The following FARS2 variants were observed in gnomAD, a reference collection of about 807,000 sequenced individuals.
The protein encoded by FARS2 is phenylalanyl-tRNA synthetase 2, mitochondrial.
A neutral mutation model predicts 46.4 loss-of-function variants in FARS2; 40 were observed. The observed-to-expected ratio is 0.86, with a 90% CI of 0.67 to 1.12. The LOEUF is 1.12. FARS2 is among the 50% of genes most tolerant of loss of function. FARS2 has a pLI of 0.00. For synonymous variants in FARS2, 234 were observed against 214.9 expected, an observed-to-expected ratio of 1.09 and a Z score of -0.78; for missense variants, 513 against 567.9, an observed-to-expected ratio of 0.90 and a Z score of 0.98.
At chr6:5,334,256 G>T (rs1771000948) in intron 1 of FARS2, among the ~76,000 whole-genome samples, 1 of 152,172 alleles carries the variant, frequency 6.6e-6, no homozygotes, top group African/African-American at 2.4e-5. Flanking sequence ...AGGGAGTATG[G>T]CACTCGTACA....
At chr6:5,722,504 G>A (rs797004459) in intron 6 of FARS2, among the ~76,000 whole-genome samples, 13 of 152,314 alleles carry the variant, frequency 8.5e-5, no homozygotes, top group African/African-American at 2.9e-4. Context: ...AGGCAGTGAC[G>A]TTTAAGATGA....
chr6:5,325,868 G>T (rs975134045), intron 1 of FARS2, among the ~76,000 whole-genome samples: 2 of 151,988 alleles, frequency 1.3e-5, no homozygotes, highest in Non-Finnish European at 2.9e-5. Context: ...TACCAAAGTT[G>T]AATAAAAAAA....
intron 6 of FARS2, among the ~76,000 whole-genome samples, chr6:5,705,968 G>A (rs780300159): frequency 2.6e-5 from 4 of 152,132 alleles, no homozygotes; most frequent in Non-Finnish European, 4.4e-5. Flanking sequence ...CAGCAGTGAC[G>A]TATTTGTTTT....
At chr6:5,486,522 G>A (rs1358201774) in intron 4 of FARS2, among the ~76,000 whole-genome samples, 1 of 152,228 alleles carries the variant, frequency 6.6e-6, no homozygotes, top group Non-Finnish European at 1.5e-5. Context: ...CAGGGGAGAA[G>A]TCTCCACCGT....
At chr6:5,323,992 G>C (rs1441563836) in intron 1 of FARS2, among the ~76,000 whole-genome samples, 1 of 152,046 alleles carries the variant, frequency 6.6e-6, no homozygotes, top group East Asian at 1.9e-4. Context: ...CCTCCTCCCA[G>C]AGACATTCCA....
intron 1 of FARS2, among the ~76,000 whole-genome samples, chr6:5,275,296 A>G (rs1766260642): frequency 6.6e-6 from 1 of 152,176 alleles, no homozygotes; most frequent in Non-Finnish European, 1.5e-5. Flanking sequence ...ACTCAGCTTA[A>G]ATGTTACTTC....
intron 6 of FARS2, among the ~76,000 whole-genome samples, chr6:5,752,657 T>A (rs1762015784): frequency 6.6e-6 from 1 of 152,166 alleles, no homozygotes; most frequent in East Asian, 1.9e-4. Context: ...GATTTTTGTC[T>A]GTCCTCACCA....
At chr6:5,427,160 G>A (rs185016903) in intron 3 of FARS2, among the ~76,000 whole-genome samples, 168 of 152,292 alleles carry the variant, frequency 1.1e-3, no homozygotes, top group Middle Eastern at 6.8e-3. Flanking sequence ...TACAATGTGT[G>A]ATGATCGAAT....
intron 4 of FARS2, among the ~76,000 whole-genome samples, chr6:5,480,142 G>GC (rs928803309): frequency 6.6e-6 from 1 of 152,218 alleles, no homozygotes; most frequent in Non-Finnish European, 1.5e-5. Flanking sequence ...GGCAGTTGAC[G>GC]CAAGGCTGGG....
chr6:5,720,760 C>G (rs1285080490), intron 6 of FARS2, among the ~76,000 whole-genome samples: 1 of 152,172 alleles, frequency 6.6e-6, no homozygotes, highest in Non-Finnish European at 1.5e-5. Context: ...TGTTTAAATG[C>G]TTTGCCTGGG....
At chr6:5,364,642 T>C (rs931621752) in intron 1 of FARS2, among the ~76,000 whole-genome samples, 3 of 152,192 alleles carry the variant, frequency 2.0e-5, no homozygotes, top group Non-Finnish European at 4.4e-5. Context: ...ACAATCTCTA[T>C]AGCAGCTATT....
At chr6:5,702,801 C>A (rs899321927) in intron 6 of FARS2, among the ~76,000 whole-genome samples, 3 of 152,094 alleles carry the variant, frequency 2.0e-5, no homozygotes, top group African/African-American at 4.8e-5. Context: ...CCTTTCATGC[C>A]CCCAAACATT....
intron 6 of FARS2, among the ~76,000 whole-genome samples, chr6:5,621,081 G>A (rs1175836463): frequency 6.6e-6 from 1 of 152,172 alleles, no homozygotes; most frequent in Non-Finnish European, 1.5e-5. Flanking sequence ...AATTGCTGTG[G>A]GGTCATAAGG....
intron 4 of FARS2, among the ~76,000 whole-genome samples, chr6:5,518,508 T>C (rs1768946004): frequency 6.6e-6 from 1 of 152,194 alleles, no homozygotes; most frequent in Non-Finnish European, 1.5e-5. Context: ...AGTGAAATTC[T>C]ATGAGAATAT....
intron 2 of FARS2, among the ~76,000 whole-genome samples, chr6:5,397,766 C>T (rs774367432): frequency 6.6e-6 from 1 of 151,898 alleles, no homozygotes; most frequent in Non-Finnish European, 1.5e-5. Context: ...TTCACGTGTC[C>T]ATCTCCTTTA....
chr6:5,335,471 T>G (rs1771088962), intron 1 of FARS2, among the ~76,000 whole-genome samples: 1 of 152,170 alleles, frequency 6.6e-6, no homozygotes, highest in Admixed American at 6.6e-5. Context: ...TGATGTTATT[T>G]GTTTTTTTAC....
At chr6:5,565,814 T>G (rs1473041598) in intron 5 of FARS2, among the ~76,000 whole-genome samples, 1 of 152,208 alleles carries the variant, frequency 6.6e-6, no homozygotes, top group Non-Finnish European at 1.5e-5. Context: ...AATTTCCAGA[T>G]TGCCGTAAAT....
intron 1 of FARS2, among the ~76,000 whole-genome samples, chr6:5,366,541 G>A (rs1369015432): frequency 1.3e-4 from 20 of 152,098 alleles, no homozygotes; most frequent in Admixed American, 1.3e-3. Flanking sequence ...ATAGATAGAA[G>A]GCCTGAAAAC....
intron 6 of FARS2, among the ~76,000 whole-genome samples, chr6:5,729,673 G>A (rs957022854): frequency 5.3e-5 from 8 of 152,216 alleles, no homozygotes; most frequent in Non-Finnish European, 1.2e-4. Context: ...AAGGATGGAC[G>A]TGTAGGTTAC....
Sources: allele counts gnomAD v4.1 joint callset (sites outside exome capture counted in the v4.1 genomes callset), GRCh38; gene constraint gnomAD v4.1.1; transcripts MANE v1.5; gene names NCBI Gene and HGNC (gene_info 2026-07-23, HGNC 2026-07-21).